TLCD3A: variants seen among roughly 807,000 people sequenced by gnomAD.
The protein encoded by TLCD3A is TLC domain containing 3A, also known as TLC domain-containing protein 3A.
A neutral mutation model predicts 29.9 loss-of-function variants in TLCD3A; 17 were observed. That is an observed-to-expected ratio of 0.57 (90% CI 0.39 to 0.85). TLCD3A has a LOEUF of 0.85. TLCD3A is among the 40% of genes least tolerant of loss of function. The probability of loss-of-function intolerance (pLI) is 0.00; values close to 1 mark genes in which losing one functional copy is unlikely to be tolerated. For missense variants in TLCD3A, 332 were observed against 350.8 expected, an observed-to-expected ratio of 0.95 and a Z score of 0.43; for synonymous variants, 143 against 147.7, an observed-to-expected ratio of 0.97 and a Z score of 0.23.
At position 741,556 on chromosome 17, in the gene TLCD3A, A is replaced by G. The variant is rs764506988; in HGVS notation, c.760A>G (p.Lys254Glu). ...AVRLFDTPQA[K>E]KDG Reference sequence around the variant, plus strand: ...CCGGCTCTTTGACACTCCCCAAGCCAAAAAGGATGGCTAAATGCTCCTGGG... The same window carrying G: ...CCGGCTCTTTGACACTCCCCAAGCCGAAAAGGATGGCTAAATGCTCCTGGG... Residue 254 changes from lysine (K) to glutamate (E), a missense_variant, in exon 5 of 5, where the codon AAA becomes GAA. Coordinates refer to ENST00000308278, the MANE Select transcript of TLCD3A (RefSeq NM_024792.3). 6.2e-6 allele frequency: 10 copies of G among 1,612,944 alleles called. No individual in the cohort carries two copies. In the South Asian group the frequency reaches 1.1e-4, roughly 18 times the overall value.
In TLCD3A at chr17:742,141, A is replaced by G. The variant is rs1300347855; in HGVS notation, c.*571A>G. 6.5e-6 allele frequency: 1 copy of G among 154,158 alleles called. No individual in the cohort carries two copies. The highest frequency in any genetic ancestry group is 2.4e-5 in the African/African-American group (1 of 41,234). 9.5% of individuals were successfully genotyped at this position (154,158 alleles called of 1,614,324 possible). A position where few individuals can be genotyped will look rare whatever the true frequency, so the allele number is the denominator to read the frequency against. ...GGGTCAGAGTTGAATTCTTATGTCT[A>G]TAGACTTCCAATCAGAAGTCTCACT... On this transcript the variant is annotated 3_prime_UTR_variant, in exon 5 of 5. Coordinates refer to ENST00000308278, the MANE Select transcript of TLCD3A (RefSeq NM_024792.3).
Position 733,082 on chromosome 17 carries a change from T to TCCG in TLCD3A, c.123-15_123-14insCGC, listed in dbSNP as rs200564445. On this transcript the variant is annotated splice_polypyrimidine_tract_variant and intron_variant, in intron 1 of 4. Transcript: ENST00000308278. The stretch of plus-strand genomic sequence containing the variant: ...ACCGGACTGAGCGCGCGCGCTGTTC[T>TCCG]CTCCGCCCGCGCTAGGCTGGTTTCC... 1 of 1,568,536 alleles carries TCCG rather than the reference T, an allele frequency of 6.4e-7. No homozygotes were observed. The highest frequency in any genetic ancestry group is 8.6e-7 in the Non-Finnish European group (1 of 1,157,774).
chr17:740,574 G>A lies in TLCD3A; in HGVS notation c.478G>A (p.Val160Met), dbSNP rs765653431. The A allele has an allele frequency of 6.2e-7, 1 of 1,614,028 alleles. No homozygotes were observed. Among genetic ancestry groups the A allele is most frequent in the South Asian group, 1.1e-5 (1 of 91,050 alleles). ...CACGGCAGAACTGAGCACTCCGTTT[G>A]TGTCGCTGGGCAGGGTTCTGATTCA... Reference protein sequence around the residue: ...IFTAELSTPFVSLGRVLIQLK... With the variant: ...IFTAELSTPFMSLGRVLIQLK... Residue 160 changes from valine (V) to methionine (M), a missense_variant, in exon 4 of 5, where the codon GTG becomes ATG. Val to Met is a conservative substitution (Grantham distance 21). Coordinates refer to ENST00000308278, the MANE Select transcript of TLCD3A (RefSeq NM_024792.3).
intron 2 of TLCD3A, among the ~76,000 whole-genome samples, chr17:736,911 C>T (rs1974162952): frequency 6.6e-6 from 1 of 152,160 alleles, no homozygotes; most frequent in Non-Finnish European, 1.5e-5. Flanking sequence ...GCCTTGGCCT[C>T]CCAAAGTGCT....
Position 741,283 on chromosome 17 carries a change from C to G in TLCD3A, c.505-18C>G. 1 of 1,609,532 alleles carries G rather than the reference C, an allele frequency of 6.2e-7. No homozygotes were observed. The highest frequency in any genetic ancestry group is 8.5e-7 in the Non-Finnish European group (1 of 1,177,324). ...GCTTCTTGGTGACCTTACCTTTTTC[C>G]TTCCTCTTCTATTGCAGCTAAAGCA... On this transcript the variant is annotated intron_variant, in intron 4 of 4. Coordinates refer to ENST00000308278, the MANE Select transcript of TLCD3A (RefSeq NM_024792.3).
rs1974282247 is a variant in TLCD3A at position 742,920 on chromosome 17, A to G, written c.*1350A>G. The G allele has an allele frequency of 6.6e-6, 1 of 152,202 alleles. No homozygotes were observed. Among genetic ancestry groups the G allele is most frequent in the Non-Finnish European group, 1.5e-5 (1 of 68,030 alleles). The allele number at this position is 152,202 out of a possible 1,614,324, so 9.4% of individuals were successfully genotyped here. A position where few individuals can be genotyped will look rare whatever the true frequency, so the allele number is the denominator to read the frequency against. On this transcript the variant is annotated 3_prime_UTR_variant, in exon 5 of 5. Transcript: ENST00000308278. ...GTCTTTTTTTTTTAACTATCAGTGT[A>G]TCTTTAAAAGTCACCCTTACGGTGA...
chr17:739,947 G>A (rs1974222411), intron 3 of TLCD3A, among the ~76,000 whole-genome samples: 2 of 152,312 alleles, frequency 1.3e-5, no homozygotes, highest in Non-Finnish European at 1.5e-5. Flanking sequence ...TCAGGAGCCT[G>A]AGGCAGGAGA....
At chr17:733,639 G>C (rs1395633398) in intron 2 of TLCD3A, among the ~76,000 whole-genome samples, 1 of 152,156 alleles carries the variant, frequency 6.6e-6, no homozygotes, top group East Asian at 1.9e-4. Flanking sequence ...TGATTGAGAG[G>C]TTCCCAGCGC....
At chr17:740,675 G>A in intron 4 of TLCD3A, 75 bp downstream of exon 4, 1 of 1,448,118 alleles carries the variant, frequency 6.9e-7, no homozygotes. Context: ...CAGAGAGAGT[G>A]AGGGTTCTGA....
At chr17:738,223 G>C (rs1015274212) in intron 3 of TLCD3A, among the ~76,000 whole-genome samples, 176 bp downstream of exon 3, 1 of 150,860 alleles carries the variant, frequency 6.6e-6, no homozygotes, top group African/African-American at 2.4e-5. Flanking sequence ...AGCCTCCTGA[G>C]TAGCTGGGAT....
rs1012594180 is a variant in TLCD3A at position 741,929 on chromosome 17, C to T, written c.*359C>T. On this transcript the variant is annotated 3_prime_UTR_variant, in exon 5 of 5. Transcript: ENST00000308278. ...GCACATCTGCCTGTCCCTGTATCAGCGGCTACCCACCTTCCAAACCACTCA... is the reference window on the plus strand; with the variant it reads ...GCACATCTGCCTGTCCCTGTATCAGTGGCTACCCACCTTCCAAACCACTCA... 2.1e-5 allele frequency: 7 copies of T among 328,826 alleles called. No individual in the cohort carries two copies. Among genetic ancestry groups the T allele is most frequent in the Admixed American group, 9.2e-5 (2 of 21,774 alleles). The allele number at this position is 328,826 out of a possible 1,614,324, so 20.4% of individuals were successfully genotyped here.
intron 4 of TLCD3A, among the ~76,000 whole-genome samples, 160 bp downstream of exon 4, chr17:740,760 AGT>A (rs1974240230): frequency 6.6e-6 from 1 of 151,672 alleles, no homozygotes; most frequent in African/African-American, 2.4e-5. Flanking sequence ...TGGCAGAGAG[AGT>A]GAGGGTTCTG....
intron 1 of TLCD3A, 139 bp downstream of exon 1, chr17:732,908 T>C (rs945053366): frequency 2.5e-5 from 34 of 1,365,012 alleles, no homozygotes; most frequent in Non-Finnish European, 3.1e-5. Flanking sequence ...GGCCCGAGTT[T>C]CCGAAGCCCC....
chr17:741,802 G>C lies in TLCD3A; in HGVS notation c.*232G>C. The C allele has an allele frequency of 1.8e-6, 1 of 570,776 alleles. No individual in the cohort carries two copies. Among genetic ancestry groups the C allele is most frequent in the South Asian group, 2.1e-5 (1 of 48,446 alleles). 35.4% of individuals were successfully genotyped at this position (570,776 alleles called of 1,614,324 possible). A position where few individuals can be genotyped will look rare whatever the true frequency, so the allele number is the denominator to read the frequency against. On this transcript the variant is annotated 3_prime_UTR_variant, in exon 5 of 5. Transcript: ENST00000308278. ...GTCAGACCTCCACGGACAGCAAAGTGGTTTTAATGCAAGCCCAAGGATCCT... is the reference window on the plus strand; with the variant it reads ...GTCAGACCTCCACGGACAGCAAAGTCGTTTTAATGCAAGCCCAAGGATCCT...
rs201665973 is a variant in TLCD3A at position 733,115 on chromosome 17, A to G, written c.140A>G (p.His47Arg). 5.7e-6 allele frequency: 9 copies of G among 1,591,964 alleles called. No individual in the cohort carries two copies. The highest frequency in any genetic ancestry group is 7.7e-6 in the Non-Finnish European group (9 of 1,170,256). Residue 47 changes from histidine (H) to arginine (R), a missense_variant, in exon 2 of 5, where the codon CAC becomes CGC. His to Arg is a conservative substitution (Grantham distance 29). Coordinates refer to ENST00000308278, the MANE Select transcript of TLCD3A (RefSeq NM_024792.3). Reference sequence around the variant, plus strand: ...CGCGCTAGGCTGGTTTCCTCGGTGCACGCCGTGCTGGCCACCGGCTCGGGG... The same window carrying G: ...CGCGCTAGGCTGGTTTCCTCGGTGCGCGCCGTGCTGGCCACCGGCTCGGGG... ...MISTRLVSSVHAVLATGSGIV... is the reference protein window; with the variant it reads ...MISTRLVSSVRAVLATGSGIV...
chr17:733,600 TCTTG>T (rs1974111067), intron 2 of TLCD3A, among the ~76,000 whole-genome samples: 1 of 152,146 alleles, frequency 6.6e-6, no homozygotes, highest in South Asian at 2.1e-4. Context: ...CAAACGCCGC[TCTTG>T]CTTTTCCTGC....
chr17:741,516 G>C lies in TLCD3A; in HGVS notation c.720G>C (p.Leu240=). The change falls in exon 5 of 5, where the codon CTG becomes CTC. Residue 240 remains leucine, a synonymous_variant. Coordinates refer to ENST00000308278, the MANE Select transcript of TLCD3A (RefSeq NM_024792.3). ...CTCAGATCTACTGGTTCTGTCTGCT[G>C]TGCAGGAAGGCAGTCCGGCTCTTTG... is the stretch of plus-strand genomic sequence containing the variant. ...VAPQIYWFCL[L]CRKAVRLFDT... 2 of 1,614,132 alleles carry C rather than the reference G, an allele frequency of 1.2e-6. No homozygotes were observed. The highest frequency in any genetic ancestry group is 1.7e-6 in the Non-Finnish European group (2 of 1,180,032).
intron 3 of TLCD3A, among the ~76,000 whole-genome samples, chr17:739,173 G>GT (rs56729305): frequency 0.11 from 16,804 of 146,972 alleles, 1,130 homozygotes; most frequent in East Asian, 0.29. Context: ...GAAGGCATGC[G>GT]TTTTTTTTTT....
At chr17:740,873 G>C (rs547945000) in intron 4 of TLCD3A, among the ~76,000 whole-genome samples, 7 of 152,206 alleles carry the variant, frequency 4.6e-5, no homozygotes, top group African/African-American at 1.4e-4. Flanking sequence ...CTAGTGCCAG[G>C]AGAGTGGGAT....
Sources: gnomAD v4.1 joint callset for allele counts (sites outside exome capture counted in the v4.1 genomes callset) on GRCh38, gnomAD v4.1.1 for gene constraint, MANE v1.5 for transcripts, NCBI Gene and HGNC (gene_info 2026-07-23, HGNC 2026-07-21) for gene names.